Variants in RAPGEF1 observed in about 807,000 individuals in gnomAD.
The protein encoded by RAPGEF1 is Rap guanine nucleotide exchange factor 1, also known as CRK SH3-binding GNRP.
A neutral mutation model predicts 143.3 loss-of-function variants in RAPGEF1; 33 were observed. The ratio of observed to expected loss-of-function variants is 0.23; its 90% CI spans 0.17 to 0.31. The LOEUF is 0.31. RAPGEF1 is among the 10% of genes least tolerant of loss of function. RAPGEF1 has a pLI of 1.00. For synonymous variants in RAPGEF1, 629 were observed against 676.5 expected (o/e 0.93, Z 1.09); for missense variants, 1,199 against 1,645.4 (o/e 0.73, Z 4.69).
At chr9:131,719,920 C>G (rs1430164830) in intron 1 of RAPGEF1, among the ~76,000 whole-genome samples, 2 of 147,624 alleles carry the variant, frequency 1.4e-5, no homozygotes, top group East Asian at 3.9e-4. Context: ...GAGTCTCACT[C>G]TGTCACCCAG....
intron 1 of RAPGEF1, among the ~76,000 whole-genome samples, chr9:131,668,686 C>G (rs1830839294): frequency 6.6e-6 from 1 of 152,142 alleles, no homozygotes; most frequent in African/African-American, 2.4e-5. Context: ...TACTGTTAGG[C>G]ATTGATCTAG....
At chr9:131,631,922 C>CCT (rs58732692) in intron 5 of RAPGEF1, among the ~76,000 whole-genome samples, 3,693 of 151,198 alleles carry the variant, frequency 0.024, 151 homozygotes, top group African/African-American at 0.084. Context: ...CTTCAGACAG[C>CCT]CTCTCCAGAG....
chr9:131,639,582 C>T (rs1346605035), intron 4 of RAPGEF1, among the ~76,000 whole-genome samples: 5 of 152,036 alleles, frequency 3.3e-5, no homozygotes, highest in Admixed American at 6.6e-5. Flanking sequence ...ACATCTTTCA[C>T]GTATTTTTAA....
chr9:131,694,506 G>A (rs1833998153), intron 1 of RAPGEF1, among the ~76,000 whole-genome samples: 1 of 152,176 alleles, frequency 6.6e-6, no homozygotes, highest in African/African-American at 2.4e-5. Context: ...AAACAGAAAT[G>A]TAATCTTGCA....
rs777396162 is a variant in RAPGEF1 at position 131,584,827 on chromosome 9, TA to T, written c.3234-232del. ...CTGGTGACAATAAATCTGGTGACCA[TA>T]AGGAAATCTGGTGAAGGCCCAAAGG... On this transcript the variant is annotated intron_variant, in intron 22 of 26. Transcript: ENST00000683357. This position sits in a 1 kb window ranked among gnomAD's most constrained non-coding sequence, Gnocchi z 6.8. 7.6e-4 allele frequency among the ~76,000 whole-genome samples: 116 copies of T among 152,228 alleles called. No homozygotes were observed. The highest frequency in any genetic ancestry group is 1.3e-3 in the Non-Finnish European group (91 of 68,012).
intron 1 of RAPGEF1, among the ~76,000 whole-genome samples, chr9:131,733,366 G>T (rs1350707353): frequency 8.7e-4 from 4 of 4,588 alleles, no homozygotes; most frequent in East Asian, 0.011. Context: ...GGGCGGGGGC[G>T]GGGGGGGGGG....
intron 1 of RAPGEF1, among the ~76,000 whole-genome samples, chr9:131,677,876 C>T (rs541964969): frequency 6.6e-6 from 1 of 152,332 alleles, no homozygotes; most frequent in South Asian, 2.1e-4. Context: ...AGATTCACTC[C>T]AGGCCAGAAC....
chr9:131,737,513 T>C (rs1837496846), intron 1 of RAPGEF1: 1 of 1,612,192 alleles, frequency 6.2e-7, no homozygotes, highest in Middle Eastern at 1.7e-4. Flanking sequence ...TACAACCCCC[T>C]AGCAGAAGGC....
intron 18 of RAPGEF1, among the ~76,000 whole-genome samples, chr9:131,590,388 G>C (rs927622578): frequency 3.3e-5 from 5 of 152,196 alleles, no homozygotes; most frequent in African/African-American, 9.6e-5. Context: ...TAGGCCAGAA[G>C]TATCTCCCTC....
At chr9:131,586,210 G>GCATGCACACACA (rs1952706955) in intron 22 of RAPGEF1, among the ~76,000 whole-genome samples, 2 of 124,694 alleles carry the variant, frequency 1.6e-5, no homozygotes, top group Non-Finnish European at 3.4e-5. Context: ...ACACACACAC[G>GCATGCACACACA]CACGCACACA....
intron 1 of RAPGEF1, among the ~76,000 whole-genome samples, chr9:131,699,269 A>T: frequency 7.6e-6 from 1 of 131,222 alleles, no homozygotes; most frequent in Admixed American, 8.4e-5. Flanking sequence ...TCTGAGGTGC[A>T]GTTTTGCTCT....
At chr9:131,587,011 AAC>A (rs35594696) in intron 22 of RAPGEF1, among the ~76,000 whole-genome samples, 3,709 of 23,830 alleles carry the variant, frequency 0.16, 774 homozygotes, top group African/African-American at 0.38. Flanking sequence ...CTCCGTCTCA[AAC>A]ACACACACAC....
In RAPGEF1 at chr9:131,727,042, T is replaced by G. The variant is rs148066673; in HGVS notation, c.61+12728A>C. Among the ~76,000 whole-genome samples, 65 of 151,974 alleles carry G rather than the reference T, an allele frequency of 4.3e-4. 1 individual carries two copies. The South Asian group carries it at 9.0e-3, about 21-fold the overall frequency. On this transcript the variant is annotated intron_variant, in intron 1 of 26. Coordinates refer to ENST00000683357, the MANE Select transcript of RAPGEF1 (RefSeq NM_001377935.1). ...AATACAACTGTATATCCCCAAAACA[T>G]CAATTTTACTATACATAATTTTTTT...
intron 1 of RAPGEF1, among the ~76,000 whole-genome samples, chr9:131,718,910 C>T (rs969305477): frequency 6.6e-6 from 1 of 152,094 alleles, no homozygotes; most frequent in South Asian, 2.1e-4. Context: ...GAGATGAAAC[C>T]CTTTACAGAG....
intron 1 of RAPGEF1, chr9:131,737,423 G>C (rs367560859): frequency 6.2e-7 from 1 of 1,613,904 alleles, no homozygotes; most frequent in African/African-American, 1.3e-5. Context: ...ATGGCAGCAC[G>C]GTCGCTCGGT....
At chr9:131,645,359 T>C (rs2133352142) in intron 3 of RAPGEF1, among the ~76,000 whole-genome samples, 1 of 152,348 alleles carries the variant, frequency 6.6e-6, no homozygotes, top group Non-Finnish European at 1.5e-5. Flanking sequence ...TAAGAAAATG[T>C]GTCATCAGGT....
In RAPGEF1 at chr9:131,655,623, G is replaced by A. The variant is rs1291700640; in HGVS notation, c.62-4674C>T. On this transcript the variant is annotated intron_variant, in intron 1 of 26. Coordinates refer to ENST00000683357, the MANE Select transcript of RAPGEF1 (RefSeq NM_001377935.1). The surrounding 1 kb of genome is among the most constrained non-coding windows in gnomAD (Gnocchi z 4.1). ...TGTGCACTGTTAGCCAGGCCTGGTG[G>A]TACATGCCTATAGTCCCAGCTACTC... Among the ~76,000 whole-genome samples, 1 of 152,066 alleles carries A rather than the reference G, an allele frequency of 6.6e-6. No individual in the cohort carries two copies. The highest frequency in any genetic ancestry group is 2.4e-5 in the African/African-American group (1 of 41,380).
At chr9:131,708,968 A>G (rs1001454758) in intron 1 of RAPGEF1, among the ~76,000 whole-genome samples, 4 of 152,200 alleles carry the variant, frequency 2.6e-5, no homozygotes, top group Non-Finnish European at 5.9e-5. Context: ...CTTGACCTCA[A>G]GTGATCCGCC....
chr9:131,629,010 C>T, intron 7 of RAPGEF1, 92 bp downstream of exon 7: 1 of 1,493,038 alleles, frequency 6.7e-7, no homozygotes, highest in Non-Finnish European at 9.0e-7. Flanking sequence ...GCCAAGCCCT[C>T]AGCGCTGAGG....
Sources: gnomAD v4.1 joint callset for allele counts (sites outside exome capture counted in the v4.1 genomes callset) on GRCh38, gnomAD v4.1.1 for gene constraint, Gnocchi (gnomAD v3.1) non-coding constraint, MANE v1.5 for transcripts, NCBI Gene and HGNC (gene_info 2026-07-23, HGNC 2026-07-21) for gene names.